ACOXL: variants seen among roughly 807,000 people sequenced by gnomAD.
The protein encoded by ACOXL is acyl-coenzyme A oxidase-like protein.
A neutral mutation model predicts 71.9 loss-of-function variants in ACOXL; 70 were observed. That is an observed-to-expected ratio of 0.97 (90% CI 0.80 to 1.19). The LOEUF is 1.19. ACOXL is among the 50% of genes most tolerant of loss of function. The pLI is 0.00. For missense variants in ACOXL, 703 were observed against 736.3 expected (o/e 0.95, Z 0.52); for synonymous variants, 253 against 281.6 (o/e 0.90, Z 1.02).
chr2:111,049,020 T>G (rs969824289), intron 15 of ACOXL, among the ~76,000 whole-genome samples, 198 bp from the exon 16 acceptor site: 3 of 152,148 alleles, frequency 2.0e-5, no homozygotes, highest in Non-Finnish European at 4.4e-5. Flanking sequence ...GTAATGACTC[T>G]GTCTGATGGG....
rs573379459 is a variant in ACOXL at position 110,807,894 on chromosome 2, G to A, written c.753+2499G>A. Among the ~76,000 whole-genome samples, 10 of 152,264 alleles carry A rather than the reference G, an allele frequency of 6.6e-5. No individual in the cohort carries two copies. In the East Asian group the frequency reaches 1.3e-3, roughly 21 times the overall value. Reference sequence around the variant, plus strand: ...CCTTGTGTATTAAAAAACTGTCACCGCAGCTCCCCACAGTGACATTCACTC... The same window carrying A: ...CCTTGTGTATTAAAAAACTGTCACCACAGCTCCCCACAGTGACATTCACTC... On this transcript the variant is annotated intron_variant, in intron 9 of 17. Transcript: ENST00000439055.
chr2:110,831,700 A>G (rs1689846456), intron 9 of ACOXL, among the ~76,000 whole-genome samples: 1 of 152,232 alleles, frequency 6.6e-6, no homozygotes, highest in Non-Finnish European at 1.5e-5. Flanking sequence ...TACAGAAATC[A>G]AGACTGTGTG....
At chr2:110,859,116 G>A (rs768272724) in intron 10 of ACOXL, among the ~76,000 whole-genome samples, 1 of 152,202 alleles carries the variant, frequency 6.6e-6, no homozygotes, top group Non-Finnish European at 1.5e-5. Flanking sequence ...CCTGGGCTTT[G>A]TAAAATGTTA....
chr2:110,935,237 A>G (rs1446997573), intron 12 of ACOXL, among the ~76,000 whole-genome samples: 1 of 152,010 alleles, frequency 6.6e-6, no homozygotes, highest in Non-Finnish European at 1.5e-5. Context: ...GCTTGCGCAG[A>G]ACCTCTTGCA....
chr2:110,947,183 G>A (rs3789127), intron 12 of ACOXL, among the ~76,000 whole-genome samples: 40,572 of 152,148 alleles, frequency 0.27, 6,267 homozygotes, highest in Non-Finnish European at 0.34. Context: ...GTTTCGCTTC[G>A]TTTCCCACTT....
intron 15 of ACOXL, among the ~76,000 whole-genome samples, chr2:111,044,243 T>C (rs2065914079): frequency 6.6e-6 from 1 of 152,230 alleles, no homozygotes; most frequent in Non-Finnish European, 1.5e-5. Flanking sequence ...TCAAGGTCTG[T>C]CCACATCCCT....
chr2:111,076,500 A>T (rs1363433948), intron 16 of ACOXL, among the ~76,000 whole-genome samples: 1 of 152,066 alleles, frequency 6.6e-6, no homozygotes, highest in Non-Finnish European at 1.5e-5. Flanking sequence ...ATTTTTTGGT[A>T]CACAACTTAG....
intron 14 of ACOXL, among the ~76,000 whole-genome samples, chr2:110,996,686 G>T (rs1192010953): frequency 6.6e-6 from 1 of 152,168 alleles, no homozygotes; most frequent in Non-Finnish European, 1.5e-5. Flanking sequence ...TGGGAATTAG[G>T]TTCCAAGCCA....
intron 17 of ACOXL, among the ~76,000 whole-genome samples, chr2:111,097,898 G>A (rs1022469015): frequency 2.0e-5 from 3 of 152,194 alleles, no homozygotes; most frequent in Admixed American, 6.5e-5. Context: ...CCCTCCAGGA[G>A]GTAAAGCTTA....
chr2:111,003,687 A>G (rs760653844), intron 14 of ACOXL, among the ~76,000 whole-genome samples: 2 of 151,992 alleles, frequency 1.3e-5, no homozygotes, highest in Non-Finnish European at 2.9e-5. Context: ...ATGTATTAAG[A>G]TAAAATGTAT....
At chr2:110,836,527 C>T (rs1197821769) in intron 9 of ACOXL, among the ~76,000 whole-genome samples, 3 of 151,856 alleles carry the variant, frequency 2.0e-5, no homozygotes, top group Admixed American at 6.6e-5. Flanking sequence ...TATGTGGGTG[C>T]CGTGGCCCTG....
chr2:111,026,226 G>C (rs764693806), intron 14 of ACOXL, among the ~76,000 whole-genome samples: 11 of 152,144 alleles, frequency 7.2e-5, no homozygotes, highest in Middle Eastern at 6.8e-3. Context: ...TCTCAAAATG[G>C]TTTTGACTTT....
intron 14 of ACOXL, among the ~76,000 whole-genome samples, chr2:111,005,133 C>T (rs2063811162): frequency 6.6e-6 from 1 of 152,202 alleles, no homozygotes; most frequent in African/African-American, 2.4e-5. Flanking sequence ...TTCCTGTTTT[C>T]TCTCTCATCA....
chr2:111,093,443 A>G, intron 17 of ACOXL: 4 of 1,613,702 alleles, frequency 2.5e-6, no homozygotes, highest in Non-Finnish European at 2.5e-6. Context: ...GTGAAACAGC[A>G]TACTCATCAG....
chr2:111,032,904 G>A (rs1482425650), intron 15 of ACOXL, among the ~76,000 whole-genome samples: 1 of 152,204 alleles, frequency 6.6e-6, no homozygotes, highest in Admixed American at 6.5e-5. Flanking sequence ...GATGAGAGCT[G>A]GATTGGAGTG....
chr2:110,799,823 C>T (rs1685736702), intron 7 of ACOXL, among the ~76,000 whole-genome samples: 1 of 152,048 alleles, frequency 6.6e-6, no homozygotes, highest in Non-Finnish European at 1.5e-5. Context: ...AAAAATGCAC[C>T]AATCAGTGCT....
chr2:110,948,414 C>T (rs951442319), intron 12 of ACOXL, among the ~76,000 whole-genome samples: 5 of 152,208 alleles, frequency 3.3e-5, no homozygotes, highest in Admixed American at 6.5e-5. Flanking sequence ...ACTAACTCCT[C>T]AGGGACATTC....
chr2:111,010,370 G>C (rs978755356), intron 14 of ACOXL, among the ~76,000 whole-genome samples: 2 of 151,994 alleles, frequency 1.3e-5, no homozygotes, highest in African/African-American at 4.8e-5. Flanking sequence ...AAAGAGAAAA[G>C]TGTCAGTGAA....
Position 110,735,456 on chromosome 2 carries a change from G to A in ACOXL, c.-23+2682G>A, listed in dbSNP as rs191575116. 9.9e-5 allele frequency among the ~76,000 whole-genome samples: 15 copies of A among 152,252 alleles called. No individual in the cohort carries two copies. In the East Asian group the frequency reaches 2.9e-3, roughly 29 times the overall value. ...TGTACATAGTGAGAAGTTTGTACAG[G>A]GCCAGGCAATCCCAGGGCATAAGAG... On this transcript the variant is annotated intron_variant, in intron 1 of 17. Transcript: ENST00000439055.
Sources: allele counts gnomAD v4.1 joint callset (sites outside exome capture counted in the v4.1 genomes callset), GRCh38; gene constraint gnomAD v4.1.1; transcripts MANE v1.5; gene names NCBI Gene and HGNC (gene_info 2026-07-23, HGNC 2026-07-21).